The following CHMP7 variants were observed in gnomAD, a reference collection of about 807,000 sequenced individuals.
CHMP7 encodes CHMP family, member 7.
Under a neutral mutation model 53.7 loss-of-function variants are expected in CHMP7, and 15 were observed. That is an observed-to-expected ratio of 0.28 (90% CI 0.19 to 0.43). The LOEUF is 0.43. Ranked by LOEUF, CHMP7 falls within the 20% of genes least tolerant of loss-of-function variation. The probability of loss-of-function intolerance (pLI) is 1.00; values close to 1 mark genes in which losing one functional copy is unlikely to be tolerated. For missense variants in CHMP7, 527 were observed against 569.4 expected, an observed-to-expected ratio of 0.93 and a Z score of 0.76; for synonymous variants, 261 against 228.0, an observed-to-expected ratio of 1.14 and a Z score of -1.30.
intron 2 of CHMP7, among the ~76,000 whole-genome samples, chr8:23,248,394 C>T (rs757940328): frequency 3.9e-5 from 6 of 152,132 alleles, no homozygotes; most frequent in South Asian, 2.1e-4. Context: ...TCCACGGAGG[C>T]GACGTGGCAT....
At chr8:23,253,535 C>T (rs1802009663) in intron 3 of CHMP7, among the ~76,000 whole-genome samples, 1 of 152,326 alleles carries the variant, frequency 6.6e-6, no homozygotes, top group Admixed American at 6.5e-5. Context: ...GATCCACCCA[C>T]CTCGGCCTCA....
chr8:23,252,995 C>G (rs59981116), intron 3 of CHMP7, among the ~76,000 whole-genome samples: 61,111 of 152,062 alleles, frequency 0.4, 12,568 homozygotes, highest in East Asian at 0.54. Flanking sequence ...GTTGACGAGT[C>G]ACTTCTTGAA....
intron 8 of CHMP7, 51 bp from the exon 9 acceptor site, chr8:23,259,015 A>G (rs1456455702): frequency 8.0e-7 from 1 of 1,249,136 alleles, no homozygotes; most frequent in Admixed American, 1.7e-5. Context: ...AAAGACTGAG[A>G]TGCTCAGAGC....
chr8:23,246,689 G>A lies in CHMP7; in HGVS notation c.-7G>A, dbSNP rs1413752156. 1.3e-6 allele frequency: 2 copies of A among 1,546,186 alleles called. No homozygotes were observed. Among genetic ancestry groups the A allele is most frequent in the Non-Finnish European group, 1.7e-6 (2 of 1,145,204 alleles). Reference sequence around the variant, plus strand: ...GTGTTCGCAGCCTTGCCGGGGCTGGGGTTCCGATGTGGTCCCCGGAGCGGG... The same window carrying A: ...GTGTTCGCAGCCTTGCCGGGGCTGGAGTTCCGATGTGGTCCCCGGAGCGGG... On this transcript the variant is annotated 5_prime_UTR_variant, in exon 2 of 11. Transcript: ENST00000397677.
chr8:23,260,345 C>G (rs760034403), intron 10 of CHMP7, 22 bp downstream of exon 10: 6 of 1,612,718 alleles, frequency 3.7e-6, no homozygotes, highest in Non-Finnish European at 5.1e-6. Flanking sequence ...TTTTCCAAGG[C>G]CTTTGGAGGG....
chr8:23,253,310 G>A (rs1373169286), intron 3 of CHMP7, among the ~76,000 whole-genome samples: 1 of 152,206 alleles, frequency 6.6e-6, no homozygotes, highest in Non-Finnish European at 1.5e-5. Flanking sequence ...TATAGACAGA[G>A]TCTCACTCTG....
intron 3 of CHMP7, among the ~76,000 whole-genome samples, chr8:23,251,528 G>A (rs1801928797): frequency 6.6e-6 from 1 of 152,176 alleles, no homozygotes. Flanking sequence ...CATGGGCCCT[G>A]GGACCCTGGG....
chr8:23,260,013 T>C (rs918800090), intron 9 of CHMP7, 131 bp from the exon 10 acceptor site: 9 of 595,072 alleles, frequency 1.5e-5, no homozygotes, highest in Non-Finnish European at 2.6e-5. Context: ...ACTTCCGGGA[T>C]TTTTTTTTAA....
chr8:23,255,457 A>G, intron 4 of CHMP7, 25 bp downstream of exon 4: 1 of 1,609,560 alleles, frequency 6.2e-7, no homozygotes, highest in Non-Finnish European at 8.5e-7. Flanking sequence ...CTGTTCATTC[A>G]CTGACTCAGC....
At position 23,253,063 on chromosome 8, in the gene CHMP7, A is replaced by G. The variant is rs181966618; in HGVS notation, c.472-2184A>G. ...GCTGCAAGTTCTCCTTGATTCCCCC[A>G]AAGCAGTCCTTCTGTCTCTCTTTTG... On this transcript the variant is annotated intron_variant, in intron 3 of 10. Coordinates refer to ENST00000397677, the MANE Select transcript of CHMP7 (RefSeq NM_152272.5). Among the ~76,000 whole-genome samples the G allele has an allele frequency of 1.1e-3, 165 of 152,256 alleles. 1 individual carries two copies. The highest frequency in any genetic ancestry group is 3.1e-3 in the African/African-American group (130 of 41,558).
At chr8:23,256,690 G>GTTTTTTTT in intron 5 of CHMP7, 97 bp downstream of exon 5, 1 of 588,630 alleles carries the variant, frequency 1.7e-6, no homozygotes, top group Non-Finnish European at 2.7e-6. Context: ...AAATAGGTGG[G>GTTTTTTTT]TTTTTTTTTT....
chr8:23,254,416 CAG>C (rs1379487024), intron 3 of CHMP7, among the ~76,000 whole-genome samples: 1 of 152,096 alleles, frequency 6.6e-6, no homozygotes, highest in Non-Finnish European at 1.5e-5. Context: ...CTGTTTGAGA[CAG>C]AGTTTTGCTC....
intron 4 of CHMP7, among the ~76,000 whole-genome samples, chr8:23,256,080 CCAAAGCACAAGAGCAGTGGTG>C (rs1802114285): frequency 6.6e-6 from 1 of 152,012 alleles, no homozygotes; most frequent in African/African-American, 2.4e-5. Flanking sequence ...AATAATGGCC[CCAAAGCACAAGAGCAGTGGTG>C]CTGGCAGTCC....
At chr8:23,259,953 A>T in intron 9 of CHMP7, 191 bp from the exon 10 acceptor site, 1 of 582,728 alleles carries the variant, frequency 1.7e-6, no homozygotes, top group South Asian at 2.1e-5. Context: ...CTCCTTGGTG[A>T]CTTAGCTTGG....
At chr8:23,255,159 G>A in intron 3 of CHMP7, 88 bp from the exon 4 acceptor site, 1 of 1,394,132 alleles carries the variant, frequency 7.2e-7, no homozygotes, top group Non-Finnish European at 1.0e-6. Context: ...CTTGCCTTGT[G>A]TGATCATGGT....
Position 23,256,609 on chromosome 8 carries a change from G to A in CHMP7, c.791+16G>A. 1 of 1,610,462 alleles carries A rather than the reference G, an allele frequency of 6.2e-7. No homozygotes were observed. Among genetic ancestry groups the A allele is most frequent in the Middle Eastern group, 1.7e-4 (1 of 6,044 alleles). Reference sequence around the variant, plus strand: ...AAGCAGAGAGGTAACTTTTAACCCTGAACTGAGCCTCCTCCCCACTGTTGC... The same window carrying A: ...AAGCAGAGAGGTAACTTTTAACCCTAAACTGAGCCTCCTCCCCACTGTTGC... On this transcript the variant is annotated intron_variant, in intron 5 of 10. Coordinates refer to ENST00000397677, the MANE Select transcript of CHMP7 (RefSeq NM_152272.5).
At chr8:23,245,901 TAC>T (rs1331538392) in intron 1 of CHMP7, among the ~76,000 whole-genome samples, 2 of 152,248 alleles carry the variant, frequency 1.3e-5, no homozygotes, top group Non-Finnish European at 2.9e-5. Flanking sequence ...TTTGTGGACA[TAC>T]AGTTATTCAT....
intron 7 of CHMP7, 37 bp from the exon 8 acceptor site, chr8:23,258,695 T>C (rs1402644485): frequency 2.3e-5 from 33 of 1,465,288 alleles, no homozygotes; most frequent in Non-Finnish European, 2.8e-5. Flanking sequence ...TTGCCAAATG[T>C]CTGTCATTTG....
At chr8:23,255,181 G>C (rs772393474) in intron 3 of CHMP7, 66 bp from the exon 4 acceptor site, 1 of 1,547,802 alleles carries the variant, frequency 6.5e-7, no homozygotes, top group Non-Finnish European at 8.9e-7. Flanking sequence ...TTGAAACTCA[G>C]GGTCAGGGTC....
Sources: allele counts gnomAD v4.1 joint callset (sites outside exome capture counted in the v4.1 genomes callset), GRCh38; gene constraint gnomAD v4.1.1; transcripts MANE v1.5; gene names NCBI Gene and HGNC (gene_info 2026-07-23, HGNC 2026-07-21).